The following GBE1 variants were observed in gnomAD, a reference collection of about 807,000 sequenced individuals.
The protein encoded by GBE1 is 1,4-alpha-glucan-branching enzyme.
GBE1 carries 70 observed loss-of-function variants against 88.8 expected under a neutral mutation model. That is an observed-to-expected ratio of 0.79 (90% CI 0.65 to 0.96). The LOEUF is 0.96. GBE1 is among the 40% of genes least tolerant of loss of function. GBE1 has a pLI of 0.00. For synonymous variants in GBE1, 284 were observed against 300.1 expected, an observed-to-expected ratio of 0.95 and a Z score of 0.56; for missense variants, 872 against 871.0, an observed-to-expected ratio of 1.00 and a Z score of -0.01.
intron 4 of GBE1, among the ~76,000 whole-genome samples, chr3:81,649,587 T>C (rs1329695581): frequency 1.3e-5 from 2 of 151,950 alleles, no homozygotes; most frequent in Non-Finnish European, 2.9e-5. Context: ...CTCAAAAACA[T>C]AGACAACACA....
At chr3:81,587,627 T>C (rs1576160060) in intron 9 of GBE1, among the ~76,000 whole-genome samples, 1 of 152,164 alleles carries the variant, frequency 6.6e-6, no homozygotes, top group Admixed American at 6.5e-5. Flanking sequence ...CTCCCTGTTA[T>C]AGTGTAAGAT....
At chr3:81,697,152 C>T (rs1479961517) in intron 2 of GBE1, among the ~76,000 whole-genome samples, 1 of 152,156 alleles carries the variant, frequency 6.6e-6, no homozygotes, top group Admixed American at 6.5e-5. Flanking sequence ...CCCATGGTCC[C>T]CTCTTTGGGT....
chr3:81,537,064 G>A lies in GBE1; in HGVS notation c.1650C>T (p.Asp550=), dbSNP rs1281489436. The A allele has an allele frequency of 6.4e-7, 1 of 1,556,080 alleles. No individual in the cohort carries two copies. The highest frequency in any genetic ancestry group is 8.6e-7 in the Non-Finnish European group (1 of 1,156,374). Reference sequence around the variant, plus strand: ...TCTCATTATTTCCTTTTCTTGGGAAGTCTAACCATTCAGGATGCCCAAATT... The same window carrying A: ...TCTCATTATTTCCTTTTCTTGGGAAATCTAACCATTCAGGATGCCCAAATT... ...GNEFGHPEWL[D]FPRKGNNESY... is the part of the protein sequence containing the mutation. Residue 550 remains aspartate (D), a synonymous_variant, in exon 13 of 16, where the codon GAC becomes GAT. Transcript: ENST00000429644.
chr3:81,685,734 T>C (rs1363411800), intron 2 of GBE1, among the ~76,000 whole-genome samples: 1 of 152,142 alleles, frequency 6.6e-6, no homozygotes, highest in African/African-American at 2.4e-5. Context: ...TGTTCTGATG[T>C]TTTCAAACAT....
At chr3:81,547,897 C>T (rs1363509611) in intron 12 of GBE1, among the ~76,000 whole-genome samples, 1 of 151,300 alleles carries the variant, frequency 6.6e-6, no homozygotes, top group African/African-American at 2.4e-5. Context: ...GCCCAGAAAA[C>T]TGGTCGGTTA....
At chr3:81,608,101 G>A (rs1048610469) in intron 7 of GBE1, among the ~76,000 whole-genome samples, 45 of 152,172 alleles carry the variant, frequency 3.0e-4, no homozygotes, top group African/African-American at 9.7e-4. Flanking sequence ...GATACTCACT[G>A]AAACTGATGT....
intron 5 of GBE1, among the ~76,000 whole-genome samples, chr3:81,646,955 GC>G (rs1371942220): frequency 2.8e-5 from 4 of 144,320 alleles, no homozygotes; most frequent in Non-Finnish European, 6.0e-5. Context: ...CCATAAGGTA[GC>G]TTTTTTTTTT....
At chr3:81,632,361 G>A (rs1704526557) in intron 7 of GBE1, among the ~76,000 whole-genome samples, 1 of 151,644 alleles carries the variant, frequency 6.6e-6, no homozygotes, top group African/African-American at 2.4e-5. Flanking sequence ...AAATTTACGA[G>A]AAAAAAACAA....
intron 3 of GBE1, among the ~76,000 whole-genome samples, chr3:81,667,491 G>C (rs1409788879): frequency 6.6e-6 from 1 of 152,164 alleles, no homozygotes; most frequent in Non-Finnish European, 1.5e-5. Flanking sequence ...TGTTGAATAG[G>C]AGTGGTAAGA....
At chr3:81,575,680 G>C (rs1703638779) in intron 12 of GBE1, among the ~76,000 whole-genome samples, 1 of 152,022 alleles carries the variant, frequency 6.6e-6, no homozygotes, top group African/African-American at 2.4e-5. Flanking sequence ...TTGTTTCTTA[G>C]TTTTGAAAAA....
chr3:81,547,901 T>C (rs576093630), intron 12 of GBE1, among the ~76,000 whole-genome samples: 11 of 151,412 alleles, frequency 7.3e-5, no homozygotes, highest in African/African-American at 2.4e-4. Context: ...AGAAAACTGG[T>C]CGGTTACAAA....
In GBE1 at chr3:81,702,056, A is replaced by C. The variant is rs373039791; in HGVS notation, c.313+3388T>G. Reference sequence around the variant, plus strand: ...GGAAAAAACGGATTTTATGTTAATAAGGGAAAAATAAAATACAGAATCCCT... The same window carrying C: ...GGAAAAAACGGATTTTATGTTAATACGGGAAAAATAAAATACAGAATCCCT... On this transcript the variant is annotated intron_variant, in intron 2 of 15. Transcript: ENST00000429644. Among the ~76,000 whole-genome samples, 3 of 151,132 alleles carry C rather than the reference A, an allele frequency of 2.0e-5. No individual in the cohort carries two copies. The South Asian group carries it at 6.3e-4, about 32-fold the overall frequency.
rs565041151 is a variant in GBE1 at position 81,655,018 on chromosome 3, G to T, written c.430-5097C>A. On this transcript the variant is annotated intron_variant, in intron 3 of 15. Transcript: ENST00000429644. ...CTGGAAGTTCTGGAAGAAACATGAG[G>T]GTGGTAGGAGTTGTACTCACAAGTC... The T allele has an allele frequency of 3.9e-5, 6 of 152,134 alleles. No individual in the cohort carries two copies. The South Asian group carries it at 1.2e-3, about 32-fold the overall frequency. 9.4% of individuals were successfully genotyped at this position (152,134 alleles called of 1,614,324 possible).
intron 7 of GBE1, among the ~76,000 whole-genome samples, chr3:81,599,746 T>A (rs1233195525): frequency 1.3e-5 from 2 of 152,226 alleles, no homozygotes; most frequent in Admixed American, 6.5e-5. Context: ...TTCAAACAAG[T>A]TTAAAAAATT....
At chr3:81,754,580 A>G (rs1706576929) in intron 1 of GBE1, among the ~76,000 whole-genome samples, 2 of 152,102 alleles carry the variant, frequency 1.3e-5, no homozygotes, top group Non-Finnish European at 2.9e-5. Context: ...AAAATGTATT[A>G]CAAAGCTATA....
chr3:81,581,768 C>T (rs1278399435), intron 10 of GBE1, among the ~76,000 whole-genome samples: 1 of 151,958 alleles, frequency 6.6e-6, no homozygotes. Context: ...CAAATAATTA[C>T]CCTCTTAACA....
At chr3:81,545,226 TA>T (rs138991873) in intron 12 of GBE1, among the ~76,000 whole-genome samples, 10 of 149,966 alleles carry the variant, frequency 6.7e-5, no homozygotes, top group Admixed American at 1.3e-4. Context: ...GATTTTTCTT[TA>T]AAAAAAAAAT....
At chr3:81,723,815 G>A (rs1222888910) in intron 1 of GBE1, among the ~76,000 whole-genome samples, 1 of 152,128 alleles carries the variant, frequency 6.6e-6, no homozygotes, top group East Asian at 1.9e-4. Flanking sequence ...AGAAGACAGA[G>A]GCAGCCATGT....
chr3:81,722,413 G>A (rs1706046508), intron 1 of GBE1, among the ~76,000 whole-genome samples: 1 of 151,880 alleles, frequency 6.6e-6, no homozygotes, highest in Non-Finnish European at 1.5e-5. Context: ...TGGGGTTAAT[G>A]ATTTTTCTTT....
Sources: gnomAD v4.1 joint callset for allele counts (sites outside exome capture counted in the v4.1 genomes callset) on GRCh38, gnomAD v4.1.1 for gene constraint, MANE v1.5 for transcripts, NCBI Gene and HGNC (gene_info 2026-07-23, HGNC 2026-07-21) for gene names.